RYR2: variants seen among roughly 807,000 people sequenced by gnomAD.
The protein encoded by RYR2 is cardiac muscle ryanodine receptor-calcium release channel.
RYR2 carries 227 observed loss-of-function variants against 601.1 expected under a neutral mutation model. That is an observed-to-expected ratio of 0.38 (90% CI 0.34 to 0.42). The LOEUF (loss-of-function observed/expected upper bound fraction) is 0.42, where lower values mean the gene tolerates loss of function less well. Ranked by LOEUF, RYR2 falls within the 10% of genes least tolerant of loss-of-function variation. RYR2 has a pLI of 1.00. For missense variants in RYR2, 4,646 were observed against 6,156.5 expected, an observed-to-expected ratio of 0.75 and a Z score of 8.21; for synonymous variants, 2,223 against 2,175.1, an observed-to-expected ratio of 1.02 and a Z score of -0.61.
intron 12 of RYR2, among the ~76,000 whole-genome samples, chr1:237,439,243 G>A (rs1236949912): frequency 6.6e-6 from 1 of 152,176 alleles, no homozygotes; most frequent in Non-Finnish European, 1.5e-5. Flanking sequence ...GATAAAGAAG[G>A]AAAGAACATG....
intron 12 of RYR2, among the ~76,000 whole-genome samples, chr1:237,429,298 C>T (rs747278829): frequency 1.3e-5 from 2 of 152,210 alleles, no homozygotes; most frequent in Non-Finnish European, 2.9e-5. Context: ...AGTCACTTGA[C>T]CAAGTGGCCG....
intron 39 of RYR2, among the ~76,000 whole-genome samples, chr1:237,624,715 A>C (rs1679457606): frequency 6.6e-6 from 1 of 152,184 alleles, no homozygotes; most frequent in Non-Finnish European, 1.5e-5. Context: ...AAGAACTTTA[A>C]AAATGGAATT....
rs141861587 is a variant in RYR2, at chr1:237,334,817, C to T, written c.273+3835C>T. Among the ~76,000 whole-genome samples the T allele has an allele frequency of 7.9e-3, 1,206 of 152,156 alleles. 19 individuals are homozygous for T. The highest frequency in any genetic ancestry group is 0.027 in the African/African-American group (1,128 of 41,520). ...CTTCTTGCTCTTCAGATCTATTTTG[C>T]GTATGGATGATATAGCATAGGGTTA... is the stretch of plus-strand genomic sequence containing the variant. On this transcript the variant is annotated intron_variant, in intron 3 of 104. Coordinates refer to ENST00000366574, the MANE Select transcript of RYR2 (RefSeq NM_001035.3).
At chr1:237,207,277 T>G (rs1338178666) in intron 1 of RYR2, among the ~76,000 whole-genome samples, 1 of 151,946 alleles carries the variant, frequency 6.6e-6, no homozygotes, top group Non-Finnish European at 1.5e-5. Context: ...TAAAAAAAAG[T>G]CTTCATGGCC....
At chr1:237,508,796 G>A (rs1427995276) in intron 23 of RYR2, among the ~76,000 whole-genome samples, 2 of 128,512 alleles carry the variant, frequency 1.6e-5, no homozygotes, top group Non-Finnish European at 1.6e-5. Flanking sequence ...AGGCTGGAGT[G>A]CAGTGGCGGG....
intron 33 of RYR2, among the ~76,000 whole-genome samples, chr1:237,594,885 G>GGTTTTTTTT (rs773047111): frequency 0.11 from 8,860 of 78,290 alleles, 1,446 homozygotes; most frequent in East Asian, 0.32. Context: ...AATATCACTG[G>GGTTTTTTTT]GTTTTTTTTT....
intron 84 of RYR2, among the ~76,000 whole-genome samples, chr1:237,767,119 T>A (rs1693907708): frequency 6.6e-6 from 1 of 152,208 alleles, no homozygotes; most frequent in South Asian, 2.1e-4. Flanking sequence ...TTCATCTCTA[T>A]ATCAACATGA....
intron 3 of RYR2, among the ~76,000 whole-genome samples, chr1:237,354,224 T>A (rs972554409): frequency 6.6e-6 from 1 of 152,180 alleles, no homozygotes; most frequent in Non-Finnish European, 1.5e-5. Flanking sequence ...AAGAACTGTG[T>A]CTTTTGTAAT....
chr1:237,435,957 C>A (rs989533168), intron 12 of RYR2, among the ~76,000 whole-genome samples: 1 of 152,124 alleles, frequency 6.6e-6, no homozygotes, highest in Non-Finnish European at 1.5e-5. Context: ...TGATTATGAT[C>A]AGGCTGGAAT....
chr1:237,784,253 G>A lies in RYR2; in HGVS notation c.12541G>A (p.Gly4181Arg), dbSNP rs775477470. 4.2e-5 allele frequency: 67 copies of A among 1,613,820 alleles called. No homozygotes were observed. Among genetic ancestry groups the A allele is most frequent in the Non-Finnish European group, 5.0e-5 (59 of 1,179,884 alleles). The change falls in exon 90 of 105, where the codon GGA (glycine) becomes AGA (arginine). Residue 4181 changes from glycine (G) to arginine (R), a missense_variant. Gly to Arg is a moderately radical substitution (Grantham distance 125). Coordinates refer to ENST00000366574, the MANE Select transcript of RYR2 (RefSeq NM_001035.3). This position sits in a 1 kb window ranked among gnomAD's most constrained non-coding sequence, Gnocchi z 7.1. ...CATATTTGACGTGGTCAACGAAGGC[G>A]GAGAGAAAGAGAAGATGGAACTCTT... Reference protein sequence around the residue: ...QFIFDVVNEGGEKEKMELFVN... With the variant: ...QFIFDVVNEGREKEKMELFVN...
At chr1:237,703,660 G>A (rs538866980) in intron 66 of RYR2, among the ~76,000 whole-genome samples, 1 of 148,470 alleles carries the variant, frequency 6.7e-6, no homozygotes, top group South Asian at 2.1e-4. Flanking sequence ...TTTATGACAT[G>A]GTAATGTTGA....
intron 58 of RYR2, among the ~76,000 whole-genome samples, chr1:237,672,524 C>G (rs1268131724): frequency 6.6e-6 from 1 of 152,116 alleles, no homozygotes; most frequent in Admixed American, 6.5e-5. Flanking sequence ...TATTTGCATA[C>G]ATGTATACAA....
intron 34 of RYR2, among the ~76,000 whole-genome samples, chr1:237,598,296 C>T (rs1297899216): frequency 6.6e-6 from 1 of 152,162 alleles, no homozygotes; most frequent in Non-Finnish European, 1.5e-5. Flanking sequence ...TTAAACTGCA[C>T]TCTAGACCAA....
At position 237,593,603 on chromosome 1, in the gene RYR2, C is replaced by T; in HGVS notation, c.4403C>T (p.Thr1468Ile). ...DLDRVRTVTV[T>I]LGDEKGKVHE... The stretch of plus-strand genomic sequence containing the variant: ...GACAGAGTTCGCACAGTAACAGTTA[C>T]TCTAGGAGATGAAAAAGGAAAAGTG... Residue 1468 changes from threonine (T) to isoleucine (I), a missense_variant, in exon 33 of 105, where the codon ACT becomes ATT. Transcript: ENST00000366574. 3.1e-6 allele frequency: 5 copies of T among 1,613,802 alleles called. No homozygotes were observed. Among genetic ancestry groups the T allele is most frequent in the Non-Finnish European group, 4.2e-6 (5 of 1,179,814 alleles).
intron 1 of RYR2, among the ~76,000 whole-genome samples, chr1:237,142,838 T>C (rs896120926): frequency 6.6e-6 from 1 of 152,152 alleles, no homozygotes; most frequent in Non-Finnish European, 1.5e-5. Context: ...AGAGGTATCA[T>C]TACCTCTCAC....
chr1:237,761,530 G>T (rs942951389), intron 84 of RYR2, among the ~76,000 whole-genome samples: 9 of 152,246 alleles, frequency 5.9e-5, no homozygotes, highest in Admixed American at 2.0e-4. Flanking sequence ...AGTCTAGATT[G>T]ATGAAAGAAA....
chr1:237,140,281 C>T (rs1265745962), intron 1 of RYR2, among the ~76,000 whole-genome samples: 2 of 152,114 alleles, frequency 1.3e-5, no homozygotes, highest in South Asian at 2.1e-4. Flanking sequence ...TGATATGTGC[C>T]ATCTTGGTAG....
At chr1:237,701,049 G>A (rs185507017) in intron 65 of RYR2, among the ~76,000 whole-genome samples, 5 of 152,248 alleles carry the variant, frequency 3.3e-5, no homozygotes, top group African/African-American at 4.8e-5. Context: ...GAAAAAATAC[G>A]CATGAGCTGT....
At chr1:237,651,992 G>A (rs1264812579) in intron 51 of RYR2, among the ~76,000 whole-genome samples, 1 of 151,816 alleles carries the variant, frequency 6.6e-6, no homozygotes, top group African/African-American at 2.4e-5. Flanking sequence ...AGCCGAGATC[G>A]CACCACTGAC....
Sources: allele counts gnomAD v4.1 joint callset (sites outside exome capture counted in the v4.1 genomes callset), GRCh38; gene constraint gnomAD v4.1.1; non-coding constraint Gnocchi (gnomAD v3.1); transcripts MANE v1.5; gene names NCBI Gene and HGNC (gene_info 2026-07-23, HGNC 2026-07-21).